Variants in LRRC2 observed in about 807,000 individuals in gnomAD.
LRRC2 encodes leucine rich repeat containing 2.
A neutral mutation model predicts 40.2 loss-of-function variants in LRRC2; 27 were observed. The ratio of observed to expected loss-of-function variants is 0.67; its 90% confidence interval spans 0.49 to 0.93. LRRC2 has a LOEUF of 0.93. Ranked by LOEUF, LRRC2 falls within the 40% of genes least tolerant of loss-of-function variation. LRRC2 has a pLI of 0.00. For missense variants in LRRC2, 402 were observed against 439.6 expected (o/e 0.91, Z 0.76); for synonymous variants, 147 against 158.9 (o/e 0.92, Z 0.56).
intron 7 of LRRC2, among the ~76,000 whole-genome samples, chr3:46,522,486 G>A (rs1703981275): frequency 6.6e-6 from 1 of 152,018 alleles, no homozygotes; most frequent in African/African-American, 2.4e-5. Context: ...CAAGGCAGGA[G>A]GATATGCTTG....
chr3:46,545,051 A>G lies in LRRC2; in HGVS notation c.328T>C (p.Trp110Arg). 1.9e-6 allele frequency: 3 copies of G among 1,612,514 alleles called. No individual in the cohort carries two copies. The highest frequency in any genetic ancestry group is 2.5e-6 in the Non-Finnish European group (3 of 1,179,844). Residue 110 changes from tryptophan to arginine, a missense_variant, in exon 3 of 9, where the codon TGG becomes CGG. By Grantham distance (101) the Trp-to-Arg change is moderately radical (BLOSUM62 -3). Coordinates refer to ENST00000395905, the MANE Select transcript of LRRC2 (RefSeq NM_024512.5). The stretch of plus-strand genomic sequence containing the variant: ...CGAGAACTGCCTCGACTCACCGTCC[A>G]GTGCTCCCCAGAAAGTTCAAACACA... The part of the protein sequence containing the change: ...AFVFELSGEH[W>R]TELPDSLKEQ...
chr3:46,551,477 C>A lies in LRRC2; in HGVS notation c.115G>T (p.Ala39Ser), dbSNP rs142071651. Residue 39 changes from alanine (A) to serine (S), a missense_variant, in exon 2 of 9, where the codon GCC becomes TCC. Physicochemically the swap from Ala to Ser is moderately conservative, Grantham distance 99. Coordinates refer to ENST00000395905, the MANE Select transcript of LRRC2 (RefSeq NM_024512.5). Reference protein sequence around the residue: ...KKEVERLEKSALEKIKEEWNF... With the variant: ...KKEVERLEKSSLEKIKEEWNF... ...TGAGAAAACACGTACTTCTCCAAGG[C>A]GCTCTTCTCAAGCCTTTCCACCTCC... 1 of 1,612,690 alleles carries A rather than the reference C, an allele frequency of 6.2e-7. No individual in the cohort carries two copies. Among genetic ancestry groups the A allele is most frequent in the Non-Finnish European group, 8.5e-7 (1 of 1,179,486 alleles).
intron 7 of LRRC2, among the ~76,000 whole-genome samples, chr3:46,526,954 C>T (rs1015222375): frequency 3.3e-5 from 5 of 152,202 alleles, no homozygotes; most frequent in Non-Finnish European, 5.9e-5. Flanking sequence ...CAGGGGAGGG[C>T]GGAGCCAGGA....
intron 2 of LRRC2, among the ~76,000 whole-genome samples, chr3:46,548,900 T>C (rs1704583451): frequency 6.6e-6 from 1 of 152,156 alleles, no homozygotes; most frequent in Admixed American, 6.5e-5. Flanking sequence ...CAAAAGGGTT[T>C]GTGCTCCTAT....
At chr3:46,539,012 A>G (rs1468030524) in intron 4 of LRRC2, 33 bp downstream of exon 4, 3 of 1,606,520 alleles carry the variant, frequency 1.9e-6, no homozygotes, top group Admixed American at 3.4e-5. Flanking sequence ...TTAACACACC[A>G]GAGGCCCGAA....
At position 46,518,253 on chromosome 3, in the gene LRRC2, C is replaced by T. The variant is rs1485078563; in HGVS notation, c.*761G>A. 1.3e-5 allele frequency: 2 copies of T among 152,186 alleles called. No individual in the cohort carries two copies. The highest frequency in any genetic ancestry group is 2.4e-5 in the African/African-American group (1 of 41,440). The allele number at this position is 152,186 out of a possible 1,614,324, so 9.4% of individuals were successfully genotyped here. On this transcript the variant is annotated 3_prime_UTR_variant, in exon 9 of 9. Transcript: ENST00000395905. Reference sequence around the variant, plus strand: ...ATATGGAAATAGCAGTTTATATAAACTCAAGGAAGATTATTCTCAGTAAAA... The same window carrying T: ...ATATGGAAATAGCAGTTTATATAAATTCAAGGAAGATTATTCTCAGTAAAA...
intron 3 of LRRC2, among the ~76,000 whole-genome samples, chr3:46,540,120 C>G (rs1281259868): frequency 6.6e-6 from 1 of 152,208 alleles, no homozygotes; most frequent in African/African-American, 2.4e-5. Context: ...CTTTTTTGTA[C>G]TTGGTACTTG....
chr3:46,524,538 G>T (rs1305754321), intron 7 of LRRC2, among the ~76,000 whole-genome samples: 1 of 152,200 alleles, frequency 6.6e-6, no homozygotes, highest in African/African-American at 2.4e-5. Flanking sequence ...TCCTCGGCTT[G>T]TTCTCTGGGA....
chr3:46,553,267 T>C (rs1704705870), intron 1 of LRRC2, among the ~76,000 whole-genome samples: 3 of 152,080 alleles, frequency 2.0e-5, no homozygotes, highest in Admixed American at 1.3e-4. Context: ...CTAAGTAAAG[T>C]AACTTTCTAG....
chr3:46,530,189 T>C (rs1704134300), intron 5 of LRRC2, 139 bp from the exon 6 acceptor site: 7 of 682,046 alleles, frequency 1.0e-5, no homozygotes, highest in South Asian at 3.7e-5. Context: ...AGTATGTATT[T>C]TGAAGCACCT....
chr3:46,548,728 C>G (rs908181077), intron 2 of LRRC2, among the ~76,000 whole-genome samples: 1 of 152,202 alleles, frequency 6.6e-6, no homozygotes, highest in African/African-American at 2.4e-5. Context: ...ATCAGCAGTC[C>G]TCAACCTTTT....
chr3:46,553,430 T>A (rs1300824811), intron 1 of LRRC2, among the ~76,000 whole-genome samples: 1 of 152,224 alleles, frequency 6.6e-6, no homozygotes, highest in African/African-American at 2.4e-5. Context: ...GTCACGGATA[T>A]GAAGCCAAAT....
chr3:46,531,034 C>T (rs1559410851), intron 5 of LRRC2, among the ~76,000 whole-genome samples: 1 of 152,010 alleles, frequency 6.6e-6, no homozygotes. Flanking sequence ...GCCCCCCTGA[C>T]GTATGTCAGG....
At chr3:46,550,300 G>A (rs1164959827) in intron 2 of LRRC2, among the ~76,000 whole-genome samples, 2 of 149,734 alleles carry the variant, frequency 1.3e-5, no homozygotes, top group African/African-American at 4.9e-5. Flanking sequence ...AGCATGATCA[G>A]AATAGGTATT....
chr3:46,532,956 C>T, intron 4 of LRRC2, 47 bp from the exon 5 acceptor site: 2 of 1,584,020 alleles, frequency 1.3e-6, no homozygotes, highest in Non-Finnish European at 1.7e-6. Flanking sequence ...CGTTTAAGGT[C>T]TTTTAAGAAC....
At chr3:46,537,993 G>A (rs1208469406) in intron 4 of LRRC2, among the ~76,000 whole-genome samples, 1 of 152,218 alleles carries the variant, frequency 6.6e-6, no homozygotes, top group Non-Finnish European at 1.5e-5. Flanking sequence ...CTGGGAGCAG[G>A]TGTCTCCTCA....
intron 2 of LRRC2, among the ~76,000 whole-genome samples, chr3:46,545,463 G>A (rs1381330789): frequency 1.3e-5 from 2 of 152,176 alleles, no homozygotes; most frequent in Non-Finnish European, 2.9e-5. Context: ...TTTAAAAGTA[G>A]AGAAGATGGG....
At chr3:46,525,198 T>C (rs111712019) in intron 7 of LRRC2, among the ~76,000 whole-genome samples, 17 of 151,278 alleles carry the variant, frequency 1.1e-4, no homozygotes, top group African/African-American at 4.1e-4. Context: ...AAGCGACCCT[T>C]GCACCTCAGC....
At position 46,525,465 on chromosome 3, in the gene LRRC2, G is replaced by A. The variant is rs143618547; in HGVS notation, c.929+1961C>T. ...AGTATCTCGCTATGTTACCCACACC[G>A]ATCTCGAACTCCTGAGCTAAAGCAA... On this transcript the variant is annotated intron_variant, in intron 7 of 8. Transcript: ENST00000395905. 3.2e-3 allele frequency among the ~76,000 whole-genome samples: 490 copies of A among 151,844 alleles called. 2 individuals carry two copies. Among genetic ancestry groups the A allele is most frequent in the African/African-American group, 0.011 (455 of 41,388 alleles).
Sources: gnomAD v4.1 joint callset for allele counts (sites outside exome capture counted in the v4.1 genomes callset) on GRCh38, gnomAD v4.1.1 for gene constraint, MANE v1.5 for transcripts, NCBI Gene and HGNC (gene_info 2026-07-23, HGNC 2026-07-21) for gene names.